The following ST18 variants were observed in gnomAD, a reference collection of about 807,000 sequenced individuals.
ST18 encodes suppression of tumorigenicity 18 protein.
ST18 carries 50 observed loss-of-function variants against 110.0 expected under a neutral mutation model. The observed-to-expected ratio is 0.45, with a 90% CI of 0.36 to 0.58. ST18 has a LOEUF of 0.58. Ranked by LOEUF, ST18 falls within the 20% of genes least tolerant of loss-of-function variation. The probability of loss-of-function intolerance (pLI) is 0.00; values close to 1 mark genes in which losing one functional copy is unlikely to be tolerated. For missense variants in ST18, 1,306 were observed against 1,280.1 expected, an observed-to-expected ratio of 1.02 and a Z score of -0.31; for synonymous variants, 461 against 452.4, an observed-to-expected ratio of 1.02 and a Z score of -0.24.
chr8:52,212,196 G>C (rs16917479), intron 7 of ST18, 87 bp from the exon 8 acceptor site: 31,297 of 1,302,968 alleles, frequency 0.024, 778 homozygotes, highest in Admixed American at 0.095. Flanking sequence ...CCACCTAGAG[G>C]TAACGACCAA....
At chr8:52,173,242 A>C (rs1319587624) in intron 9 of ST18, among the ~76,000 whole-genome samples, 1 of 152,216 alleles carries the variant, frequency 6.6e-6, no homozygotes. Flanking sequence ...GGAAATTAGC[A>C]TGATCAAATC....
chr8:52,260,894 T>C (rs1437256744), intron 2 of ST18, among the ~76,000 whole-genome samples: 1 of 152,256 alleles, frequency 6.6e-6, no homozygotes, highest in Admixed American at 6.5e-5. Context: ...GACCACAATG[T>C]CTCAAACAAA....
chr8:52,153,114 T>G (rs1266074307), intron 15 of ST18, among the ~76,000 whole-genome samples: 1 of 152,388 alleles, frequency 6.6e-6, no homozygotes, highest in East Asian at 1.9e-4. Flanking sequence ...AACATTATAT[T>G]GTTTTAGCAA....
intron 19 of ST18, among the ~76,000 whole-genome samples, chr8:52,134,848 ATATCT>A (rs899817650): frequency 6.6e-6 from 1 of 152,214 alleles, no homozygotes; most frequent in Non-Finnish European, 1.5e-5. Context: ...TTCTCCATGA[ATATCT>A]AAACAAGAGG....
rs531511045 is a variant in ST18 at position 52,156,522 on chromosome 8, A to T, written c.1806+2376T>A. Among the ~76,000 whole-genome samples, 4 of 152,324 alleles carry T rather than the reference A, an allele frequency of 2.6e-5. No individual in the cohort carries two copies. In the South Asian group the frequency reaches 8.3e-4, roughly 32 times the overall value. ...GTCTGTCTCTGCTTAATCCTACATT[A>T]AGTAAAAGGCAGCACTGATAACAGA... On this transcript the variant is annotated intron_variant, in intron 15 of 25. Transcript: ENST00000689386.
chr8:52,371,175 C>T (rs1238733535), intron 2 of ST18, among the ~76,000 whole-genome samples: 1 of 152,174 alleles, frequency 6.6e-6, no homozygotes, highest in African/African-American at 2.4e-5. Flanking sequence ...CCACCACTGC[C>T]TCCTGGCTCT....
At chr8:52,308,038 G>A (rs925466324) in intron 2 of ST18, among the ~76,000 whole-genome samples, 13 of 152,184 alleles carry the variant, frequency 8.5e-5, no homozygotes, top group African/African-American at 3.1e-4. Context: ...TTATCTCCCT[G>A]ATTCCTGCCA....
At chr8:52,323,331 A>T (rs1240710926) in intron 2 of ST18, among the ~76,000 whole-genome samples, 1 of 152,258 alleles carries the variant, frequency 6.6e-6, no homozygotes, top group South Asian at 2.1e-4. Context: ...CCATCAAAAT[A>T]TGTTTAACAG....
chr8:52,373,448 C>T (rs1020954296), intron 2 of ST18, among the ~76,000 whole-genome samples: 45 of 152,078 alleles, frequency 3.0e-4, no homozygotes, highest in African/African-American at 1.1e-3. Context: ...GCAGGCGATG[C>T]TTCCCACCCC....
chr8:52,126,895 C>G (rs1314816282), intron 22 of ST18, among the ~76,000 whole-genome samples: 1 of 152,150 alleles, frequency 6.6e-6, no homozygotes, highest in Non-Finnish European at 1.5e-5. Context: ...ATTGCACCAG[C>G]ATGATAAATG....
chr8:52,341,640 T>A (rs944951334), intron 2 of ST18, among the ~76,000 whole-genome samples: 2 of 152,250 alleles, frequency 1.3e-5, no homozygotes, highest in African/African-American at 4.8e-5. Flanking sequence ...TCCAGATTTT[T>A]AAATTATCCC....
chr8:52,186,167 C>T (rs10113824), intron 8 of ST18, among the ~76,000 whole-genome samples: 52 of 151,992 alleles, frequency 3.4e-4, no homozygotes, highest in African/African-American at 1.1e-3. Context: ...AAGGTATTTG[C>T]AGTACCTACA....
chr8:52,243,994 C>G (rs2093649356), intron 2 of ST18, among the ~76,000 whole-genome samples: 1 of 152,132 alleles, frequency 6.6e-6, no homozygotes, highest in South Asian at 2.1e-4. Flanking sequence ...TACTTGCAGT[C>G]CCTGTGATAA....
chr8:52,148,925 A>G (rs1308340823), intron 16 of ST18, among the ~76,000 whole-genome samples: 1 of 152,244 alleles, frequency 6.6e-6, no homozygotes, highest in African/African-American at 2.4e-5. Context: ...CTTTACACAT[A>G]TCAACTGGCA....
At chr8:52,140,819 T>C (rs1449771263) in intron 17 of ST18, among the ~76,000 whole-genome samples, 3 of 152,166 alleles carry the variant, frequency 2.0e-5, no homozygotes, top group Non-Finnish European at 2.9e-5. Flanking sequence ...TAGTTTGGGA[T>C]GACTTTTAGC....
At chr8:52,345,963 C>T (rs1372320022) in intron 2 of ST18, among the ~76,000 whole-genome samples, 1 of 151,760 alleles carries the variant, frequency 6.6e-6, no homozygotes, top group Non-Finnish European at 1.5e-5. Context: ...AAATCATAAA[C>T]AGATCATTAG....
intron 2 of ST18, among the ~76,000 whole-genome samples, chr8:52,337,181 C>T (rs551922415): frequency 9.2e-4 from 140 of 152,272 alleles, no homozygotes; most frequent in African/African-American, 3.3e-3. Flanking sequence ...AATGATCATT[C>T]TTTTTGACAT....
chr8:52,176,491 G>A (rs879672917), intron 9 of ST18, among the ~76,000 whole-genome samples: 1 of 152,180 alleles, frequency 6.6e-6, no homozygotes, highest in Non-Finnish European at 1.5e-5. Context: ...ATAACCAGAG[G>A]GTTACAGCCA....
chr8:52,176,668 CCT>C (rs1272947778), intron 9 of ST18, among the ~76,000 whole-genome samples: 3 of 152,184 alleles, frequency 2.0e-5, no homozygotes, highest in Non-Finnish European at 4.4e-5. Context: ...TAAACCAAGA[CCT>C]CTACTCAGAG....
Sources: gnomAD v4.1 joint callset for allele counts (sites outside exome capture counted in the v4.1 genomes callset) on GRCh38, gnomAD v4.1.1 for gene constraint, MANE v1.5 for transcripts, NCBI Gene and HGNC (gene_info 2026-07-23, HGNC 2026-07-21) for gene names.